Variants in ANKRD45 observed in about 807,000 individuals in gnomAD.
The protein encoded by ANKRD45 is ankyrin repeat domain-containing protein 45.
ANKRD45 carries 21 observed loss-of-function variants against 28.1 expected under a neutral mutation model. The ratio of observed to expected loss-of-function variants is 0.75; its 90% CI spans 0.53 to 1.08. The LOEUF (loss-of-function observed/expected upper bound fraction) is 1.08. Among genes scored for constraint, ANKRD45 ranks in the 50% least tolerant of loss-of-function variants. ANKRD45 has a pLI of 0.00. For missense variants in ANKRD45, 261 were observed against 308.7 expected (o/e 0.85, Z 1.16); for synonymous variants, 86 against 103.9 (o/e 0.83, Z 1.05).
chr1:173,670,429 A>G (rs762507414), upstream of ANKRD45, among the ~76,000 whole-genome samples: 4 of 152,262 alleles, frequency 2.6e-5, no homozygotes, highest in Non-Finnish European at 5.9e-5. Context: ...CAATGTTCAC[A>G]TGAATCACAC....
chr1:173,711,200 G>C, the ANKRD45 span, among the ~76,000 whole-genome samples: 1 of 152,160 alleles, frequency 6.6e-6, no homozygotes, highest in Non-Finnish European at 1.5e-5. Context: ...CCTCATACCT[G>C]TGAACCCCGA....
At chr1:173,643,302 T>A (rs1406088732) in intron 3 of ANKRD45, among the ~76,000 whole-genome samples, 1 of 151,304 alleles carries the variant, frequency 6.6e-6, no homozygotes, top group Non-Finnish European at 1.5e-5. Flanking sequence ...GCCTCCCGAG[T>A]AGTTAGGATT....
chr1:173,616,897 G>A (rs554851288), intron 5 of ANKRD45, among the ~76,000 whole-genome samples: 68 of 152,252 alleles, frequency 4.5e-4, no homozygotes, highest in African/African-American at 1.6e-3. Context: ...GTAGAGTGGG[G>A]CAATGGCCCA....
At chr1:173,635,507 A>T (rs1571724190) in intron 3 of ANKRD45, 1 of 1,476,692 alleles carries the variant, frequency 6.8e-7, no homozygotes, top group Non-Finnish European at 8.9e-7. Context: ...CTTTTTTTTC[A>T]ATTGACAAAG....
At chr1:173,618,044 A>G (rs1198205060) in intron 5 of ANKRD45, among the ~76,000 whole-genome samples, 1 of 152,208 alleles carries the variant, frequency 6.6e-6, no homozygotes, top group Non-Finnish European at 1.5e-5. Flanking sequence ...CAGCAGCCCT[A>G]CAGAAAAGTG....
At chr1:173,640,589 T>C (rs979588303) in intron 3 of ANKRD45, among the ~76,000 whole-genome samples, 19 of 152,238 alleles carry the variant, frequency 1.2e-4, no homozygotes, top group Non-Finnish European at 8.8e-5. Context: ...AGCTCCTTTG[T>C]TATTAATGTA....
chr1:173,653,251 C>T (rs1669328207), intron 2 of ANKRD45, among the ~76,000 whole-genome samples: 1 of 152,076 alleles, frequency 6.6e-6, no homozygotes, highest in Non-Finnish European at 1.5e-5. Flanking sequence ...ATAAATTTTC[C>T]TCTACACACT....
chr1:173,613,342 C>A lies in ANKRD45; in HGVS notation c.731-3127G>T, dbSNP rs562553933. Among the ~76,000 whole-genome samples the A allele has an allele frequency of 8.5e-3, 1,280 of 150,834 alleles. 17 individuals carry two copies. The highest frequency in any genetic ancestry group is 0.029 in the African/African-American group (1,198 of 40,924). On this transcript the variant is annotated intron_variant, in intron 5 of 5. Transcript: ENST00000333279. Reference sequence around the variant, plus strand: ...GCCGCCCCGTCTGAGAAGCGAGGAGCCCCTCCGCCCAGCAGCCGCCCCGTC... The same window carrying A: ...GCCGCCCCGTCTGAGAAGCGAGGAGACCCTCCGCCCAGCAGCCGCCCCGTC...
chr1:173,626,974 C>G (rs1255946289), intron 4 of ANKRD45, 91 bp downstream of exon 4: 2 of 839,532 alleles, frequency 2.4e-6, no homozygotes, highest in African/African-American at 3.5e-5. Flanking sequence ...GTAAGGACCA[C>G]TACCTGCCTT....
the ANKRD45 span, among the ~76,000 whole-genome samples, chr1:173,706,705 GCCCC>G: frequency 3.3e-5 from 5 of 152,048 alleles, no homozygotes; most frequent in Admixed American, 6.6e-5. Context: ...TATTTAATCA[GCCCC>G]CTAATAAGAG....
At chr1:173,658,985 T>G in intron 2 of ANKRD45, 106 bp downstream of exon 2, 5 of 1,446,668 alleles carry the variant, frequency 3.5e-6, no homozygotes, top group Non-Finnish European at 4.6e-6. Context: ...TACACATATA[T>G]GTAAAGTATA....
At chr1:173,611,847 A>G (rs113708007) in intron 5 of ANKRD45, among the ~76,000 whole-genome samples, 1,645 of 152,292 alleles carry the variant, frequency 0.011, 33 homozygotes, top group African/African-American at 0.036. Flanking sequence ...TGACAAGACA[A>G]TCCAGAGAAT....
chr1:173,625,249 G>A (rs1667880524), intron 4 of ANKRD45, among the ~76,000 whole-genome samples: 1 of 152,080 alleles, frequency 6.6e-6, no homozygotes, highest in African/African-American at 2.4e-5. Context: ...TCACCATCGA[G>A]AGTCATGAAG....
chr1:173,687,225 A>T, the ANKRD45 span, among the ~76,000 whole-genome samples: 1 of 152,174 alleles, frequency 6.6e-6, no homozygotes, highest in East Asian at 1.9e-4. Context: ...CCTTGCACAT[A>T]AACTGTTTCT....
intron 3 of ANKRD45, among the ~76,000 whole-genome samples, chr1:173,631,571 A>C (rs1401989480): frequency 6.6e-6 from 1 of 152,190 alleles, no homozygotes; most frequent in South Asian, 2.1e-4. Flanking sequence ...TCTCAAGGAC[A>C]GACCTTACGT....
At chr1:173,641,888 CTA>C (rs1456949630) in intron 3 of ANKRD45, among the ~76,000 whole-genome samples, 4 of 152,138 alleles carry the variant, frequency 2.6e-5, no homozygotes, top group African/African-American at 9.7e-5. Context: ...ACTGGATAAA[CTA>C]TATTACAATC....
At chr1:173,662,215 G>A (rs540341870) in intron 1 of ANKRD45, among the ~76,000 whole-genome samples, 1 of 152,280 alleles carries the variant, frequency 6.6e-6, no homozygotes, top group South Asian at 2.1e-4. Flanking sequence ...TTCTGACCCT[G>A]TTCTTAAGAA....
At chr1:173,699,778 T>C in the ANKRD45 span, among the ~76,000 whole-genome samples, 1 of 152,204 alleles carries the variant, frequency 6.6e-6, no homozygotes, top group Non-Finnish European at 1.5e-5. Flanking sequence ...GGACGCCCTC[T>C]CTCACCCCTC....
intron 3 of ANKRD45, chr1:173,635,304 G>A (rs1668376985): frequency 2.1e-6 from 1 of 482,334 alleles, no homozygotes; most frequent in Non-Finnish European, 3.7e-6. Flanking sequence ...GACTGATGAT[G>A]TTACAATGAT....
Sources: allele counts gnomAD v4.1 joint callset (sites outside exome capture counted in the v4.1 genomes callset), GRCh38; gene constraint gnomAD v4.1.1; transcripts MANE v1.5; gene names NCBI Gene and HGNC (gene_info 2026-07-23, HGNC 2026-07-21).